The following KCND3 variants were observed in gnomAD, a reference collection of about 807,000 sequenced individuals.
KCND3 encodes A-type voltage-gated potassium channel KCND3.
Under a neutral mutation model 51.1 loss-of-function variants are expected in KCND3, and 9 were observed. The observed-to-expected ratio is 0.18, with a 90% confidence interval of 0.11 to 0.31. The LOEUF (loss-of-function observed/expected upper bound fraction) is 0.31, where lower values mean the gene tolerates loss of function less well. Ranked by LOEUF, KCND3 falls within the 10% of genes least tolerant of loss-of-function variation. KCND3 has a pLI of 1.00. For synonymous variants in KCND3, 349 were observed against 368.0 expected, an observed-to-expected ratio of 0.95 and a Z score of 0.59; for missense variants, 526 against 903.8, an observed-to-expected ratio of 0.58 and a Z score of 5.36.
At chr1:111,862,737 T>C (rs1242577849) in intron 2 of KCND3, among the ~76,000 whole-genome samples, 6 of 152,220 alleles carry the variant, frequency 3.9e-5, no homozygotes, top group Non-Finnish European at 8.8e-5. Flanking sequence ...ACAATAACAA[T>C]TTACTCTCAC....
intron 2 of KCND3, among the ~76,000 whole-genome samples, chr1:111,953,847 T>C (rs1673182708): frequency 6.6e-6 from 1 of 152,216 alleles, no homozygotes; most frequent in Admixed American, 6.5e-5. Context: ...GACGCTTTGG[T>C]TAGCAATCTA....
At chr1:111,860,426 G>A (rs557219244) in intron 2 of KCND3, among the ~76,000 whole-genome samples, 37 of 152,158 alleles carry the variant, frequency 2.4e-4, no homozygotes, top group Non-Finnish European at 4.9e-4. Context: ...CTGGGTTGCT[G>A]ACAGCTCTGT....
intron 2 of KCND3, among the ~76,000 whole-genome samples, chr1:111,816,826 C>A (rs923703399): frequency 6.6e-6 from 1 of 152,192 alleles, no homozygotes; most frequent in African/African-American, 2.4e-5. Flanking sequence ...CTTGCTCCCA[C>A]AAGAAAGTGA....
At chr1:111,823,585 A>T (rs1666444024) in intron 2 of KCND3, among the ~76,000 whole-genome samples, 1 of 152,146 alleles carries the variant, frequency 6.6e-6, no homozygotes, top group Non-Finnish European at 1.5e-5. Flanking sequence ...TGATGGGAAA[A>T]GCAAAAGAAA....
chr1:111,985,250 G>A lies in KCND3; in HGVS notation c.-72-2452C>T, dbSNP rs534792191. On this transcript the variant is annotated intron_variant, in intron 1 of 7. Coordinates refer to ENST00000302127, the MANE Select transcript of KCND3 (RefSeq NM_001378969.1). ...ACAGTACCACACACTTACATGGAGC[G>A]TCTCAAGAGATCCCACCGACAACCC... is the stretch of plus-strand genomic sequence containing the variant. 7.9e-5 allele frequency among the ~76,000 whole-genome samples: 12 copies of A among 152,282 alleles called. No individual in the cohort carries two copies. The South Asian group carries it at 1.9e-3, about 24-fold the overall frequency.
chr1:111,878,832 G>C (rs1433000001), intron 2 of KCND3, among the ~76,000 whole-genome samples: 8 of 152,190 alleles, frequency 5.3e-5, no homozygotes, highest in Non-Finnish European at 1.0e-4. Context: ...CCAGGTATTT[G>C]TTCAAGCATG....
intron 2 of KCND3, among the ~76,000 whole-genome samples, chr1:111,912,977 A>G (rs190818185): frequency 2.0e-5 from 3 of 152,330 alleles, no homozygotes; most frequent in African/African-American, 7.2e-5. Context: ...AATGTTTATA[A>G]AGTCCATACT....
chr1:111,825,129 C>G (rs1200413604), intron 2 of KCND3, among the ~76,000 whole-genome samples: 1 of 152,214 alleles, frequency 6.6e-6, no homozygotes, highest in African/African-American at 2.4e-5. Context: ...AATTCCATGT[C>G]CATACACCAC....
intron 2 of KCND3, among the ~76,000 whole-genome samples, chr1:111,965,436 A>ACC (rs1557752724): frequency 1.2e-4 from 16 of 137,840 alleles, no homozygotes; most frequent in Non-Finnish European, 4.8e-5. Flanking sequence ...TGGCCAGCAA[A>ACC]ACCACACACA....
intron 2 of KCND3, among the ~76,000 whole-genome samples, chr1:111,959,069 A>G (rs894463575): frequency 1.3e-5 from 2 of 152,226 alleles, no homozygotes; most frequent in Non-Finnish European, 2.9e-5. Context: ...GCCAGACTGC[A>G]TAACAGTTAG....
At chr1:111,817,185 T>A (rs1166046528) in intron 2 of KCND3, among the ~76,000 whole-genome samples, 11 of 144,430 alleles carry the variant, frequency 7.6e-5, no homozygotes, top group South Asian at 2.2e-4. Flanking sequence ...CACTAGTTAC[T>A]AAAAAAAAAA....
At chr1:111,826,392 A>G (rs1666572140) in intron 2 of KCND3, among the ~76,000 whole-genome samples, 1 of 152,052 alleles carries the variant, frequency 6.6e-6, no homozygotes, top group Non-Finnish European at 1.5e-5. Context: ...TCCTTGTGAG[A>G]TGTTTTCTTT....
intron 2 of KCND3, among the ~76,000 whole-genome samples, chr1:111,898,834 C>T (rs1436009527): frequency 6.6e-6 from 1 of 152,166 alleles, no homozygotes; most frequent in Non-Finnish European, 1.5e-5. Context: ...GTCCTATGAC[C>T]ACAGCTGCCT....
At chr1:111,922,258 G>A (rs191306715) in intron 2 of KCND3, among the ~76,000 whole-genome samples, 81 of 152,338 alleles carry the variant, frequency 5.3e-4, no homozygotes, top group Admixed American at 9.8e-4. Context: ...CTCTGCCTTG[G>A]ACTCAAGGTA....
intron 2 of KCND3, among the ~76,000 whole-genome samples, chr1:111,945,622 C>T (rs1248788005): frequency 6.6e-6 from 1 of 152,214 alleles, no homozygotes; most frequent in Non-Finnish European, 1.5e-5. Context: ...TTGGCCGGGT[C>T]TCAGCCTTGC....
intron 1 of KCND3, among the ~76,000 whole-genome samples, chr1:111,987,041 A>C (rs1375506093): frequency 6.6e-6 from 1 of 152,212 alleles, no homozygotes; most frequent in African/African-American, 2.4e-5. Flanking sequence ...TTCAAGAGGC[A>C]AAAAGTAAGA....
chr1:111,972,454 G>A (rs1296934546), intron 2 of KCND3, among the ~76,000 whole-genome samples: 6 of 152,186 alleles, frequency 3.9e-5, no homozygotes, highest in African/African-American at 1.4e-4. Context: ...TTACAGGCGT[G>A]AGCCCCCGCG....
intron 2 of KCND3, among the ~76,000 whole-genome samples, chr1:111,939,269 G>A (rs1385438756): frequency 2.6e-5 from 4 of 152,040 alleles, no homozygotes; most frequent in Non-Finnish European, 4.4e-5. Flanking sequence ...TGGGATACAC[G>A]TGCAGAACGT....
chr1:111,845,615 C>A (rs190579260), intron 2 of KCND3, among the ~76,000 whole-genome samples: 1 of 152,170 alleles, frequency 6.6e-6, no homozygotes, highest in African/African-American at 2.4e-5. Flanking sequence ...TCATCCCTGA[C>A]TTGTTGCTGT....
Sources: allele counts gnomAD v4.1 joint callset (sites outside exome capture counted in the v4.1 genomes callset), GRCh38; gene constraint gnomAD v4.1.1; transcripts MANE v1.5; gene names NCBI Gene and HGNC (gene_info 2026-07-23, HGNC 2026-07-21).